Variants in NAV2 observed in about 807,000 individuals in gnomAD.
NAV2 encodes helicase, APC down-regulated 1.
A neutral mutation model predicts 223.2 loss-of-function variants in NAV2; 54 were observed. That is an observed-to-expected ratio of 0.24 (90% CI 0.19 to 0.30). The LOEUF (loss-of-function observed/expected upper bound fraction) is 0.30. Among genes scored for constraint, NAV2 ranks in the 10% least tolerant of loss-of-function variants. The pLI, the probability that NAV2 is intolerant of heterozygous loss-of-function variation, is 1.00. For missense variants in NAV2, 2,806 were observed against 3,147.5 expected (o/e 0.89, Z 2.60); for synonymous variants, 1,279 against 1,239.3 (o/e 1.03, Z -0.67).
chr11:19,679,688 T>A (rs11025213), intron 1 of NAV2, among the ~76,000 whole-genome samples: 118,209 of 152,058 alleles, frequency 0.78, 48,460 homozygotes, highest in Non-Finnish European at 0.91. Context: ...ACACCCCGGC[T>A]GTGTTCTGTG....
At chr11:19,783,568 C>A (rs1049927405) in intron 1 of NAV2, among the ~76,000 whole-genome samples, 1 of 152,122 alleles carries the variant, frequency 6.6e-6, no homozygotes, top group African/African-American at 2.4e-5. Context: ...AGTCCTTGAG[C>A]TGCTGGTGGA....
chr11:20,031,734 T>TTGTGTG (rs5790104), intron 11 of NAV2, among the ~76,000 whole-genome samples: 4 of 149,108 alleles, frequency 2.7e-5, no homozygotes, highest in Admixed American at 6.7e-5. Flanking sequence ...CATTTTCGCT[T>TTGTGTG]TGTGTGTGTG....
rs80062687 is a variant in NAV2 at position 19,934,012 on chromosome 11, C to A, written c.1768C>A (p.Arg590=). 4 of 1,594,316 alleles carry A rather than the reference C, an allele frequency of 2.5e-6. No individual in the cohort carries two copies. The Admixed American group carries it at 7.1e-5, about 28-fold the overall frequency. ...GCCTTCCAAGGAAGGGGAGCGGAGC[C>A]GGAGTGGGAAGCTGAGCTCAGGACT... ...PAPSKEGERS[R]SGKLSSGLPQ... The change falls in exon 7 of 38, where the codon CGG becomes AGG. Residue 590 remains arginine (R), a synonymous_variant. Coordinates refer to ENST00000349880, the MANE Select transcript of NAV2 (RefSeq NM_145117.5).
chr11:19,849,210 G>C (rs2152968677), intron 3 of NAV2, among the ~76,000 whole-genome samples: 1 of 152,256 alleles, frequency 6.6e-6, no homozygotes, highest in Admixed American at 6.5e-5. Flanking sequence ...GGCAGAGTTG[G>C]AGCTCGAACC....
intron 36 of NAV2, 137 bp from the exon 37 acceptor site, chr11:20,114,455 C>T: frequency 1.3e-6 from 1 of 753,094 alleles, no homozygotes; most frequent in Non-Finnish European, 2.2e-6. Context: ...ACTTCCTGAG[C>T]ATGGAATAGA....
At chr11:20,022,819 T>C (rs1309573856) in intron 11 of NAV2, 1 of 1,264,348 alleles carries the variant, frequency 7.9e-7, no homozygotes, top group African/African-American at 1.5e-5. Context: ...AGTTTGGTGT[T>C]AGCTTTTGCT....
chr11:19,605,316 C>A (rs182312286), intron 1 of NAV2, among the ~76,000 whole-genome samples: 1 of 152,226 alleles, frequency 6.6e-6, no homozygotes, highest in Non-Finnish European at 1.5e-5. Context: ...GGGGGAGAAG[C>A]ACTTAGTTGT....
chr11:20,103,316 A>G lies in NAV2; in HGVS notation c.6479A>G (p.Asp2160Gly). The change falls in exon 33 of 38, where the codon GAC (aspartate) becomes GGC (glycine). Residue 2160 changes from aspartate to glycine, a missense_variant. Around this residue, in one of 4 missense-constraint regions of NAV2, gnomAD observed 824 missense variants for 1,069.4 expected, o/e 0.77. Transcript: ENST00000349880. ...TGCAACAGTGAGAACAATGCTGTGG[A>G]CATGCCCCTCGTCATCATCCTGGAC... ...DQCNSENNAV[D>G]MPLVIILDNL... is the part of the protein sequence containing the mutation. The G allele has an allele frequency of 6.2e-7, 1 of 1,614,234 alleles. No homozygotes were observed.
intron 6 of NAV2, among the ~76,000 whole-genome samples, chr11:19,920,793 A>G (rs1470316064): frequency 6.6e-6 from 1 of 152,218 alleles, no homozygotes; most frequent in Non-Finnish European, 1.5e-5. Flanking sequence ...AATATCACAG[A>G]ACAGAATAAG....
intron 1 of NAV2, among the ~76,000 whole-genome samples, chr11:19,498,225 G>GATCT (rs1216002381): frequency 2.6e-5 from 4 of 152,156 alleles, no homozygotes; most frequent in African/African-American, 9.7e-5. Flanking sequence ...AGCACCCCCT[G>GATCT]ATCTTATTAC....
intron 1 of NAV2, among the ~76,000 whole-genome samples, chr11:19,495,638 A>T (rs1415153515): frequency 6.6e-6 from 1 of 152,222 alleles, no homozygotes; most frequent in African/African-American, 2.4e-5. Context: ...GATTTATTCT[A>T]GGCACAGGTA....
chr11:19,758,602 G>T (rs1346507443), intron 1 of NAV2, among the ~76,000 whole-genome samples: 1 of 152,246 alleles, frequency 6.6e-6, no homozygotes, highest in Non-Finnish European at 1.5e-5. Context: ...CTCAGGGAAG[G>T]GTGAGCTGAG....
At position 19,463,301 on chromosome 11, in the gene NAV2, G is replaced by A. The variant is rs573987708; in HGVS notation, c.75+112274G>A. ...CCTACTATGTTTCAGGCATTGTGCC[G>A]TGTCTAAGAAAAATACAAAGTTGCC... On this transcript the variant is annotated intron_variant, in intron 1 of 37. Transcript: ENST00000360655. Among the ~76,000 whole-genome samples the A allele has an allele frequency of 6.7e-4, 102 of 152,316 alleles. 2 individuals carry two copies. The South Asian group carries it at 0.012, about 18-fold the overall frequency.
At chr11:20,116,752 C>T (rs1018768741) in intron 37 of NAV2, among the ~76,000 whole-genome samples, 7 of 152,202 alleles carry the variant, frequency 4.6e-5, no homozygotes, top group East Asian at 1.9e-4. Context: ...ACTTCCATTA[C>T]CGAGTTAGAT....
Position 19,686,327 on chromosome 11 carries a change from CT to C in NAV2, c.76-146156del, listed in dbSNP as rs1194350818. On this transcript the variant is annotated intron_variant, in intron 1 of 37. Transcript: ENST00000360655. Reference sequence around the variant, plus strand: ...ATCCCTCCCCCTCCCAGACTGGGAGCTCCAGGAAGGTGGGATCCTTCTTATT... The same window carrying C: ...ATCCCTCCCCCTCCCAGACTGGGAGCCCAGGAAGGTGGGATCCTTCTTATT... 2.0e-5 allele frequency among the ~76,000 whole-genome samples: 3 copies of C among 152,182 alleles called. No homozygotes were observed. The East Asian group carries it at 5.8e-4, about 29-fold the overall frequency.
chr11:19,362,745 C>G (rs575646266), intron 1 of NAV2, among the ~76,000 whole-genome samples: 6 of 152,240 alleles, frequency 3.9e-5, no homozygotes, highest in Admixed American at 3.3e-4. Context: ...GCCTCAGTTT[C>G]TTCATCTATA....
intron 19 of NAV2, among the ~76,000 whole-genome samples, chr11:20,060,509 G>A (rs1460079046): frequency 6.6e-6 from 1 of 152,218 alleles, no homozygotes; most frequent in African/African-American, 2.4e-5. Context: ...AAGCACGGAG[G>A]AAAAGATCTA....
intron 1 of NAV2, among the ~76,000 whole-genome samples, chr11:19,535,872 CT>C (rs1166640993): frequency 1.3e-5 from 2 of 152,154 alleles, no homozygotes; most frequent in Non-Finnish European, 2.9e-5. Context: ...GTATGGGGAC[CT>C]TCTGGGTGTA....
At chr11:19,672,902 C>T (rs1252890748) in intron 1 of NAV2, among the ~76,000 whole-genome samples, 4 of 152,134 alleles carry the variant, frequency 2.6e-5, no homozygotes, top group East Asian at 1.9e-4. Context: ...GGAAGAGTTC[C>T]CATGGGGCAG....
Sources: allele counts gnomAD v4.1 joint callset (sites outside exome capture counted in the v4.1 genomes callset), GRCh38; gene constraint gnomAD v4.1.1; regional missense constraint gnomAD v4.1.1; transcripts MANE v1.5; gene names NCBI Gene and HGNC (gene_info 2026-07-23, HGNC 2026-07-21).